The following BBS9 variants were observed in gnomAD, a reference collection of about 807,000 sequenced individuals.
BBS9 encodes Bardet-Biedl syndrome 9, also known as protein PTHB1.
A neutral mutation model predicts 117.7 loss-of-function variants in BBS9; 89 were observed. The ratio of observed to expected loss-of-function variants is 0.76; its 90% CI spans 0.64 to 0.90. The LOEUF (loss-of-function observed/expected upper bound fraction) is 0.90, where lower values mean the gene tolerates loss of function less well. Among genes scored for constraint, BBS9 ranks in the 40% least tolerant of loss-of-function variants. BBS9 has a pLI of 0.00. For missense variants in BBS9, 982 were observed against 1,042.2 expected (o/e 0.94, Z 0.80); for synonymous variants, 379 against 370.9 (o/e 1.02, Z -0.25).
At chr7:33,547,265 T>C (rs924175757) in intron 21 of BBS9, among the ~76,000 whole-genome samples, 2 of 152,130 alleles carry the variant, frequency 1.3e-5, no homozygotes, top group African/African-American at 4.8e-5. Flanking sequence ...AGAAAAAATA[T>C]AGGAAAGCAA....
At chr7:33,531,428 G>C (rs1171179032) in intron 20 of BBS9, among the ~76,000 whole-genome samples, 1 of 152,182 alleles carries the variant, frequency 6.6e-6, no homozygotes, top group African/African-American at 2.4e-5. Flanking sequence ...TAGAAAAAAG[G>C]AGGGAGGGCT....
chr7:33,593,716 G>A (rs1585401819), intron 21 of BBS9, among the ~76,000 whole-genome samples: 1 of 152,026 alleles, frequency 6.6e-6, no homozygotes, highest in African/African-American at 2.4e-5. Flanking sequence ...GTAGGGGGTC[G>A]CAATGCACCA....
At chr7:33,526,211 C>T (rs893432076) in intron 20 of BBS9, among the ~76,000 whole-genome samples, 6 of 152,168 alleles carry the variant, frequency 3.9e-5, no homozygotes, top group Non-Finnish European at 8.8e-5. Context: ...TTTGGTGAAT[C>T]TGACAATTAT....
chr7:33,622,610 A>G (rs1045717197), intron 21 of BBS9, among the ~76,000 whole-genome samples: 1 of 152,226 alleles, frequency 6.6e-6, no homozygotes, highest in African/African-American at 2.4e-5. Context: ...TTGAGAAAAT[A>G]CATACATAAA....
At chr7:33,258,285 A>T (rs17170145) in intron 6 of BBS9, among the ~76,000 whole-genome samples, 39,019 of 152,082 alleles carry the variant, frequency 0.26, 5,082 homozygotes, top group South Asian at 0.31. Flanking sequence ...CCACATCATT[A>T]TTCCCAAGAT....
chr7:33,539,660 T>C (rs1360903667), intron 21 of BBS9, among the ~76,000 whole-genome samples: 1 of 152,256 alleles, frequency 6.6e-6, no homozygotes, highest in Non-Finnish European at 1.5e-5. Context: ...CTTAGTCCTT[T>C]GATATGCAAG....
intron 6 of BBS9, among the ~76,000 whole-genome samples, chr7:33,261,720 G>A (rs1798010899): frequency 6.6e-6 from 1 of 152,214 alleles, no homozygotes; most frequent in Non-Finnish European, 1.5e-5. Context: ...ATTAAATTAT[G>A]TGGTTGAGTT....
At chr7:33,592,555 G>A (rs1862107120) in intron 21 of BBS9, among the ~76,000 whole-genome samples, 1 of 152,056 alleles carries the variant, frequency 6.6e-6, no homozygotes, top group South Asian at 2.1e-4. Context: ...AGTCCTGAGT[G>A]TTTCTTCAGT....
chr7:33,182,332 A>G (rs769528149), intron 5 of BBS9, among the ~76,000 whole-genome samples: 40 of 152,264 alleles, frequency 2.6e-4, no homozygotes, highest in Non-Finnish European at 4.4e-4. Flanking sequence ...ATTATGTACT[A>G]GGTGTGGAGC....
chr7:33,487,777 C>T (rs1843318095), intron 19 of BBS9, among the ~76,000 whole-genome samples: 1 of 152,116 alleles, frequency 6.6e-6, no homozygotes, highest in Non-Finnish European at 1.5e-5. Flanking sequence ...GTGTTGTTCT[C>T]AGCCATCAGG....
At chr7:33,152,894 C>T (rs1793566513) in intron 3 of BBS9, 43 bp downstream of exon 3, 1 of 1,584,776 alleles carries the variant, frequency 6.3e-7, no homozygotes, top group African/African-American at 1.3e-5. Context: ...TGGAGTATGT[C>T]AATCCTTTAC....
At chr7:33,485,349 G>C (rs907654029) in intron 19 of BBS9, among the ~76,000 whole-genome samples, 30 of 123,450 alleles carry the variant, frequency 2.4e-4, no homozygotes, top group Non-Finnish European at 4.5e-4. Context: ...TCGCTCTGTT[G>C]CCCAGGCTGG....
At chr7:33,208,523 C>T (rs1787388721) in intron 5 of BBS9, among the ~76,000 whole-genome samples, 1 of 152,220 alleles carries the variant, frequency 6.6e-6, no homozygotes, top group East Asian at 1.9e-4. Flanking sequence ...TCTGTGCCTT[C>T]CATAAGTCCT....
intron 21 of BBS9, among the ~76,000 whole-genome samples, chr7:33,631,991 GGTA>G (rs1326469886): frequency 6.6e-6 from 1 of 152,142 alleles, no homozygotes; most frequent in Non-Finnish European, 1.5e-5. Context: ...ATCACAGAAA[GGTA>G]TTGTATTTCG....
chr7:33,195,199 G>GT (rs1784746479), intron 5 of BBS9, among the ~76,000 whole-genome samples: 1 of 152,290 alleles, frequency 6.6e-6, no homozygotes, highest in African/African-American at 2.4e-5. Flanking sequence ...GTCTTTCACA[G>GT]TCTTTGGCAC....
intron 19 of BBS9, among the ~76,000 whole-genome samples, chr7:33,460,232 G>A (rs1023741305): frequency 1.3e-5 from 2 of 152,086 alleles, no homozygotes; most frequent in Admixed American, 1.3e-4. Flanking sequence ...TAAACTGATA[G>A]TCCTTCATTT....
intron 19 of BBS9, among the ~76,000 whole-genome samples, chr7:33,456,241 A>G (rs961946929): frequency 6.6e-6 from 1 of 152,182 alleles, no homozygotes; most frequent in African/African-American, 2.4e-5. Flanking sequence ...AAATCCTTTA[A>G]ACTGCTAGGT....
intron 21 of BBS9, among the ~76,000 whole-genome samples, chr7:33,583,858 G>A (rs994734286): frequency 5.9e-5 from 9 of 152,108 alleles, no homozygotes; most frequent in African/African-American, 1.9e-4. Flanking sequence ...GTAAAGGGGA[G>A]ATTATAATAG....
intron 5 of BBS9, among the ~76,000 whole-genome samples, chr7:33,215,245 A>G (rs1477698110): frequency 6.6e-6 from 1 of 152,228 alleles, no homozygotes; most frequent in Non-Finnish European, 1.5e-5. Flanking sequence ...TTCAAAATAT[A>G]TGACAAAGCT....
Sources: gnomAD v4.1 joint callset for allele counts (sites outside exome capture counted in the v4.1 genomes callset) on GRCh38, gnomAD v4.1.1 for gene constraint, MANE v1.5 for transcripts, NCBI Gene and HGNC (gene_info 2026-07-23, HGNC 2026-07-21) for gene names.